PCNX2: variants seen among roughly 807,000 people sequenced by gnomAD.
The protein encoded by PCNX2 is pecanex-like protein 2.
A neutral mutation model predicts 223.8 loss-of-function variants in PCNX2; 168 were observed. That is an observed-to-expected ratio of 0.75 (90% confidence interval 0.66 to 0.85). The LOEUF (loss-of-function observed/expected upper bound fraction) is 0.85, where lower values mean the gene tolerates loss of function less well. PCNX2 is among the 40% of genes least tolerant of loss of function. The pLI is 0.00. For synonymous variants in PCNX2, 1,006 were observed against 1,052.6 expected (o/e 0.96, Z 0.86); for missense variants, 2,507 against 2,675.5 (o/e 0.94, Z 1.39).
At chr1:233,197,803 TTTAAG>T (rs1359037121) in intron 15 of PCNX2, among the ~76,000 whole-genome samples, 1 of 152,206 alleles carries the variant, frequency 6.6e-6, no homozygotes, top group Non-Finnish European at 1.5e-5. Context: ...TTTAATATGA[TTTAAG>T]TTAATCTTTT....
intron 26 of PCNX2, among the ~76,000 whole-genome samples, chr1:233,017,376 G>C (rs1303222360): frequency 2.8e-5 from 4 of 144,666 alleles, no homozygotes; most frequent in African/African-American, 7.9e-5. Context: ...GGAGTGCAGC[G>C]GTGCGATCTC....
chr1:233,034,030 G>A (rs980455997), intron 25 of PCNX2, among the ~76,000 whole-genome samples: 1 of 152,070 alleles, frequency 6.6e-6, no homozygotes, highest in Non-Finnish European at 1.5e-5. Context: ...TGGCCAACAT[G>A]GTGAAACTCC....
At chr1:233,017,271 T>C in intron 26 of PCNX2, 117 bp from the exon 27 acceptor site, 4 of 712,506 alleles carry the variant, frequency 5.6e-6, no homozygotes, top group Non-Finnish European at 9.1e-6. Context: ...TATGTTCTGC[T>C]GGGTGTAATG....
At chr1:232,993,125 G>A (rs1184708334) in intron 32 of PCNX2, among the ~76,000 whole-genome samples, 1 of 152,194 alleles carries the variant, frequency 6.6e-6, no homozygotes, top group Non-Finnish European at 1.5e-5. Context: ...GCAGAGATTG[G>A]AACAGTTTGG....
Position 233,218,174 on chromosome 1 carries a change from T to C in PCNX2, c.2515A>G (p.Ile839Val), listed in dbSNP as rs890896050. 8 of 1,534,298 alleles carry C rather than the reference T, an allele frequency of 5.2e-6. No individual in the cohort carries two copies. The highest frequency in any genetic ancestry group is 7.0e-6 in the Non-Finnish European group (8 of 1,140,232). The change falls in exon 11 of 34, where the codon ATC becomes GTC. Residue 839 changes from isoleucine (I) to valine (V), a missense_variant. Coordinates refer to ENST00000258229, the MANE Select transcript of PCNX2 (RefSeq NM_014801.4). ...LLALLDRTEDIKENVLAILLI... is the reference protein window; with the variant it reads ...LLALLDRTEDVKENVLAILLI... ...AAAATCGCCAGTACATTCTCCTTGATGTCTTCAGTTCTGTGCAAAATATAT... is the reference window on the plus strand; with the variant it reads ...AAAATCGCCAGTACATTCTCCTTGACGTCTTCAGTTCTGTGCAAAATATAT...
At chr1:233,050,556 A>G (rs747507440) in intron 25 of PCNX2, among the ~76,000 whole-genome samples, 13 of 152,220 alleles carry the variant, frequency 8.5e-5, no homozygotes, top group Middle Eastern at 3.2e-3. Context: ...GATCTTTGAC[A>G]AAGTCAACAA....
chr1:233,158,056 C>CACTTT (rs1268321831), intron 19 of PCNX2, among the ~76,000 whole-genome samples: 7 of 152,094 alleles, frequency 4.6e-5, no homozygotes, highest in African/African-American at 1.7e-4. Context: ...CAAACACACT[C>CACTTT]ACTTTACTTG....
chr1:233,258,259 T>G lies in PCNX2; in HGVS notation c.1603A>C (p.Ser535Arg). 6.2e-7 allele frequency: 1 copy of G among 1,614,044 alleles called. No homozygotes were observed. The highest frequency in any genetic ancestry group is 8.5e-7 in the Non-Finnish European group (1 of 1,179,894). ...KRHARVLSVD[S>R]GTDVFLSKSS... The stretch of plus-strand genomic sequence containing the variant: ...TTACTCAAGAAGACATCTGTCCCAC[T>G]GTCCACACTGAGCACCCGGGCATGC... Residue 535 changes from serine (S) to arginine (R), a missense_variant, in exon 5 of 34, where the codon AGT becomes CGT. Ser to Arg is a moderately radical substitution (Grantham distance 110). Around this residue, in one of 3 missense-constraint regions of PCNX2, gnomAD observed 1,031 missense variants for 1,021.7 expected, o/e 1.01. Transcript: ENST00000258229.
intron 22 of PCNX2, among the ~76,000 whole-genome samples, chr1:233,093,156 C>T (rs764041540): frequency 1.3e-5 from 2 of 152,174 alleles, no homozygotes; most frequent in South Asian, 2.1e-4. Context: ...GAAGGATGCA[C>T]CAAGTAGAAA....
intron 15 of PCNX2, among the ~76,000 whole-genome samples, chr1:233,196,010 G>A (rs556401609): frequency 3.3e-5 from 5 of 152,118 alleles, no homozygotes; most frequent in African/African-American, 1.2e-4. Context: ...CACACTATCT[G>A]ATTTCAAAGC....
At chr1:233,259,648 A>G (rs2139997) in intron 4 of PCNX2, among the ~76,000 whole-genome samples, 112,413 of 151,698 alleles carry the variant, frequency 0.74, 41,695 homozygotes, top group Middle Eastern at 0.79. Flanking sequence ...GACAGGCCCC[A>G]GTGTGTGATG....
intron 19 of PCNX2, among the ~76,000 whole-genome samples, chr1:233,153,671 G>A (rs1677951528): frequency 6.6e-6 from 1 of 152,150 alleles, no homozygotes; most frequent in South Asian, 2.1e-4. Flanking sequence ...AAAATACCAA[G>A]AAGTAGCAGA....
the PCNX2 span, among the ~76,000 whole-genome samples, chr1:233,308,471 AAAG>A: frequency 2.3e-4 from 35 of 152,054 alleles, no homozygotes; most frequent in African/African-American, 6.7e-4. Context: ...AAAACAAAAA[AAAG>A]AAAGAAAAAG....
the PCNX2 span, among the ~76,000 whole-genome samples, chr1:233,311,443 G>A: frequency 6.6e-6 from 1 of 152,192 alleles, no homozygotes; most frequent in Non-Finnish European, 1.5e-5. Context: ...AGAAATGTTT[G>A]TTTATATGTG....
chr1:233,077,534 T>C (rs950398166), intron 23 of PCNX2, among the ~76,000 whole-genome samples: 2 of 152,120 alleles, frequency 1.3e-5, no homozygotes, highest in African/African-American at 4.8e-5. Flanking sequence ...TTTTGAAACT[T>C]TTCCTACCCA....
intron 25 of PCNX2, among the ~76,000 whole-genome samples, chr1:233,030,663 T>C: frequency 6.6e-6 from 1 of 152,208 alleles, no homozygotes; most frequent in Non-Finnish European, 1.5e-5. Flanking sequence ...AGGGGGATAA[T>C]ATCTCTACTC....
intron 23 of PCNX2, among the ~76,000 whole-genome samples, chr1:233,061,844 C>T (rs1386050954): frequency 2.6e-5 from 4 of 152,046 alleles, no homozygotes; most frequent in South Asian, 2.1e-4. Flanking sequence ...CTGCAACCTC[C>T]GCCTCCTGGG....
intron 25 of PCNX2, among the ~76,000 whole-genome samples, chr1:233,043,380 A>C (rs536224831): frequency 6.6e-6 from 1 of 152,254 alleles, no homozygotes; most frequent in East Asian, 1.9e-4. Flanking sequence ...TCTAACATGC[A>C]TTATCTATTA....
At chr1:233,312,144 T>C in the PCNX2 span, among the ~76,000 whole-genome samples, 1 of 150,774 alleles carries the variant, frequency 6.6e-6, no homozygotes. Flanking sequence ...ACAATAATAA[T>C]AATAATTACA....
Sources: gnomAD v4.1 joint callset for allele counts (sites outside exome capture counted in the v4.1 genomes callset) on GRCh38, gnomAD v4.1.1 for gene constraint, gnomAD v4.1.1 regional missense constraint, MANE v1.5 for transcripts, NCBI Gene and HGNC (gene_info 2026-07-23, HGNC 2026-07-21) for gene names.